Variants in HMBOX1 observed in about 807,000 individuals in gnomAD.
The protein encoded by HMBOX1 is homeobox containing 1.
HMBOX1 carries 14 observed loss-of-function variants against 54.5 expected under a neutral mutation model. That is an observed-to-expected ratio of 0.26 (90% CI 0.17 to 0.40). The LOEUF is 0.40. Among genes scored for constraint, HMBOX1 ranks in the 10% least tolerant of loss-of-function variants. The pLI is 1.00. For synonymous variants in HMBOX1, 160 were observed against 181.0 expected (o/e 0.88, Z 0.93); for missense variants, 332 against 514.4 (o/e 0.65, Z 3.43).
intron 1 of HMBOX1, among the ~76,000 whole-genome samples, chr8:28,956,224 G>C (rs905423400): frequency 5.3e-5 from 8 of 151,856 alleles, no homozygotes; most frequent in Admixed American, 4.6e-4. Flanking sequence ...TTATTTCCTT[G>C]ACTTCTAGTG....
intron 4 of HMBOX1, among the ~76,000 whole-genome samples, chr8:28,989,214 G>T (rs1288278624): frequency 1.3e-5 from 2 of 152,024 alleles, no homozygotes; most frequent in Non-Finnish European, 2.9e-5. Flanking sequence ...AGAGGTTGGG[G>T]TGAGCCGAGA....
chr8:29,006,573 A>T (rs1015755543), intron 4 of HMBOX1, among the ~76,000 whole-genome samples: 1 of 152,026 alleles, frequency 6.6e-6, no homozygotes, highest in Admixed American at 6.6e-5. Flanking sequence ...CTTGATATTG[A>T]TGGCTTTTTA....
intron 1 of HMBOX1, among the ~76,000 whole-genome samples, chr8:28,912,793 G>T (rs1815717207): frequency 6.6e-6 from 1 of 152,038 alleles, no homozygotes; most frequent in African/African-American, 2.4e-5. Flanking sequence ...ACCACTTACA[G>T]ACTAGCCTAG....
At chr8:28,901,651 T>G (rs1563352078) in intron 1 of HMBOX1, among the ~76,000 whole-genome samples, 1 of 152,236 alleles carries the variant, frequency 6.6e-6, no homozygotes, top group Non-Finnish European at 1.5e-5. Context: ...TTTATCAAAC[T>G]TTTCATCAAG....
At chr8:28,981,822 ATATAG>A (rs1829382936) in intron 4 of HMBOX1, among the ~76,000 whole-genome samples, 1 of 152,202 alleles carries the variant, frequency 6.6e-6, no homozygotes, top group Non-Finnish European at 1.5e-5. Context: ...GATACATTAA[ATATAG>A]TATTGCCTTT....
At chr8:28,986,023 T>C (rs1004588552) in intron 4 of HMBOX1, among the ~76,000 whole-genome samples, 1 of 152,184 alleles carries the variant, frequency 6.6e-6, no homozygotes, top group African/African-American at 2.4e-5. Flanking sequence ...GTATCCACCA[T>C]TGTAGTATCA....
Position 29,052,608 on chromosome 8 carries a change from GT to G in HMBOX1, c.*1454del. 1 of 152,036 alleles carries G rather than the reference GT, an allele frequency of 6.6e-6. No homozygotes were observed. Among genetic ancestry groups the G allele is most frequent in the Admixed American group, 6.6e-5 (1 of 15,258 alleles). The allele number at this position is 152,036 out of a possible 1,614,324, so 9.4% of individuals were successfully genotyped here. A position where few individuals can be genotyped will look rare whatever the true frequency, so the allele number is the denominator to read the frequency against. ...TCTAAAGTCACCCTGTGATCACCTT[GT>G]CATCTAGTAGCAAAATGATGAACTA... On this transcript the variant is annotated 3_prime_UTR_variant, in exon 10 of 10. Coordinates refer to ENST00000287701, the MANE Select transcript of HMBOX1 (RefSeq NM_001135726.3).
At position 28,924,101 on chromosome 8, in the gene HMBOX1, G is replaced by GTT. The variant is rs140044626; in HGVS notation, c.-58+33431_-58+33432dup. On this transcript the variant is annotated intron_variant, in intron 1 of 9. Transcript: ENST00000287701. ...ATTAGAGTGGCCTTTGGACATAAGT[G>GTT]TTTTTTTTTGGTTTTTTTTTTTTGA... Among the ~76,000 whole-genome samples the GTT allele has an allele frequency of 1.3e-4, 19 of 144,794 alleles. No individual in the cohort carries two copies. The East Asian group carries it at 2.0e-3, about 15-fold the overall frequency. The allele number at this position is 144,794 out of a possible 152,430, so 95.0% of individuals were successfully genotyped here.
intron 1 of HMBOX1, among the ~76,000 whole-genome samples, chr8:28,957,977 A>G (rs769842858): frequency 6.6e-6 from 1 of 152,192 alleles, no homozygotes; most frequent in Non-Finnish European, 1.5e-5. Flanking sequence ...CTTTCTCAAT[A>G]TAGTTATTCA....
chr8:28,957,438 G>GA (rs559979853), intron 1 of HMBOX1, among the ~76,000 whole-genome samples: 36 of 152,216 alleles, frequency 2.4e-4, no homozygotes, highest in African/African-American at 8.2e-4. Flanking sequence ...GGCAAAGGTT[G>GA]AAAAAATAAC....
At chr8:28,918,002 G>A (rs1289642786) in intron 1 of HMBOX1, among the ~76,000 whole-genome samples, 1 of 152,000 alleles carries the variant, frequency 6.6e-6, no homozygotes, top group Non-Finnish European at 1.5e-5. Flanking sequence ...TAATATGCTG[G>A]CCTTATAAAA....
intron 4 of HMBOX1, among the ~76,000 whole-genome samples, chr8:29,002,255 C>G (rs1289529336): frequency 6.6e-6 from 1 of 152,138 alleles, no homozygotes; most frequent in Non-Finnish European, 1.5e-5. Context: ...TGAGTGTTTT[C>G]ATAACATGGC....
intron 1 of HMBOX1, among the ~76,000 whole-genome samples, chr8:28,951,863 C>T (rs900464952): frequency 1.3e-5 from 2 of 152,124 alleles, no homozygotes; most frequent in Admixed American, 6.5e-5. Context: ...CTGAAGAAGG[C>T]AGTCAAGATA....
At chr8:28,940,541 C>CT (rs1310806175) in intron 1 of HMBOX1, among the ~76,000 whole-genome samples, 3 of 152,136 alleles carry the variant, frequency 2.0e-5, no homozygotes, top group African/African-American at 7.2e-5. Flanking sequence ...TATGTATGTT[C>CT]TTTTTCTCTG....
At chr8:28,932,842 C>T (rs909901659) in intron 1 of HMBOX1, among the ~76,000 whole-genome samples, 10 of 152,180 alleles carry the variant, frequency 6.6e-5, no homozygotes, top group African/African-American at 2.4e-4. Context: ...CTAACTGTTG[C>T]TTGGAGTGCC....
At position 29,032,394 on chromosome 8, in the gene HMBOX1, C is replaced by A. The variant is rs187425596; in HGVS notation, c.852-12967C>A. 1.9e-3 allele frequency among the ~76,000 whole-genome samples: 284 copies of A among 151,786 alleles called. 2 individuals carry two copies. Among genetic ancestry groups the A allele is most frequent in the Middle Eastern group, 6.8e-3 (2 of 292 alleles). Reference sequence around the variant, plus strand: ...TTAAGACAGAAGCCTAAGTAAGATTCTCCTTTCTACATGATCAAGGAAACA... The same window carrying A: ...TTAAGACAGAAGCCTAAGTAAGATTATCCTTTCTACATGATCAAGGAAACA... On this transcript the variant is annotated intron_variant, in intron 6 of 9. Transcript: ENST00000287701.
intron 1 of HMBOX1, among the ~76,000 whole-genome samples, chr8:28,913,659 C>T (rs1815920010): frequency 6.6e-6 from 1 of 152,178 alleles, no homozygotes; most frequent in African/African-American, 2.4e-5. Context: ...ATTTCTCTTT[C>T]TCTCCCCATA....
intron 3 of HMBOX1, among the ~76,000 whole-genome samples, chr8:28,973,803 GTTTTTTTTTTTTTTTTT>G (rs71222583): frequency 1.4e-5 from 1 of 72,618 alleles, no homozygotes; most frequent in Non-Finnish European, 2.6e-5. Flanking sequence ...ACATAATGGA[GTTTTTTTTTTTTTTTTT>G]TTTTTTTTTT....
At chr8:28,966,538 T>C (rs964407193) in intron 2 of HMBOX1, among the ~76,000 whole-genome samples, 25 of 152,236 alleles carry the variant, frequency 1.6e-4, no homozygotes, top group African/African-American at 5.8e-4. Flanking sequence ...ATCATGGACT[T>C]AGATGACCTT....
Sources: allele counts gnomAD v4.1 joint callset (sites outside exome capture counted in the v4.1 genomes callset), GRCh38; gene constraint gnomAD v4.1.1; transcripts MANE v1.5; gene names NCBI Gene and HGNC (gene_info 2026-07-23, HGNC 2026-07-21).